PLEKHG6: variants seen among roughly 807,000 people sequenced by gnomAD.
PLEKHG6 encodes pleckstrin homology and RhoGEF domain containing G6, also known as pleckstrin homology domain-containing family G member 6.
Under a neutral mutation model 97.5 loss-of-function variants are expected in PLEKHG6, and 91 were observed. That is an observed-to-expected ratio of 0.93 (90% CI 0.79 to 1.11). PLEKHG6 has a LOEUF of 1.11. Among genes scored for constraint, PLEKHG6 ranks in the 50% most tolerant of loss-of-function variants. The pLI is 0.00. For missense variants in PLEKHG6, 1,044 were observed against 1,031.0 expected, an observed-to-expected ratio of 1.01 and a Z score of -0.17; for synonymous variants, 466 against 425.5, an observed-to-expected ratio of 1.10 and a Z score of -1.17.
chr12:6,323,919 C>T (rs773984648), intron 13 of PLEKHG6, among the ~76,000 whole-genome samples: 44 of 151,962 alleles, frequency 2.9e-4, no homozygotes, highest in African/African-American at 7.7e-4. Flanking sequence ...TCAGTGGGCA[C>T]GTTTCAGAGT....
At chr12:6,320,021 A>C (rs527506798) in intron 13 of PLEKHG6, among the ~76,000 whole-genome samples, 1 of 152,204 alleles carries the variant, frequency 6.6e-6, no homozygotes. Context: ...GGCATTCCAC[A>C]TGGAGGAGCA....
intron 13 of PLEKHG6, among the ~76,000 whole-genome samples, chr12:6,321,410 G>A (rs1199028509): frequency 1.3e-5 from 2 of 152,200 alleles, no homozygotes; most frequent in Non-Finnish European, 2.9e-5. Flanking sequence ...TGCTGGGTGG[G>A]CTGGAGGAGG....
chr12:6,312,899 TGCA>T, intron 2 of PLEKHG6: 3 of 1,371,072 alleles, frequency 2.2e-6, no homozygotes, highest in South Asian at 3.2e-5. Context: ...TCCCTCAGCC[TGCA>T]GGTTTCCCCT....
chr12:6,315,902 G>A lies in PLEKHG6; in HGVS notation c.589G>A (p.Val197Met). The change falls in exon 6 of 16, where the codon GTG becomes ATG. Residue 197 changes from valine (V) to methionine (M), a missense_variant. Val to Met is a conservative substitution (Grantham distance 21, BLOSUM62 1). Transcript: ENST00000684764. The surrounding 1 kb of genome is among the most constrained non-coding windows in gnomAD (Gnocchi z 4.5). ...LAAGLLNLQR[V>M]GLLMEVSAET... ...CGCCGGCCTGCTGAACCTGCAGCGA[G>A]TGGGACTGCTGATGGAAGTGAGTGG... 1 of 1,580,456 alleles carries A rather than the reference G, an allele frequency of 6.3e-7. No homozygotes were observed. Among genetic ancestry groups the A allele is most frequent in the South Asian group, 1.2e-5 (1 of 86,104 alleles).
intron 2 of PLEKHG6, among the ~76,000 whole-genome samples, chr12:6,313,389 G>A (rs1177908208): frequency 1.3e-5 from 2 of 152,180 alleles, no homozygotes; most frequent in African/African-American, 4.8e-5. Flanking sequence ...TCTTCCCCAG[G>A]CCCACTCAGG....
At position 6,327,525 on chromosome 12, in the gene PLEKHG6, G is replaced by T; in HGVS notation, c.1942G>T (p.Glu648Ter). 1 of 1,209,490 alleles carries T rather than the reference G, an allele frequency of 8.3e-7. No homozygotes were observed. The highest frequency in any genetic ancestry group is 1.1e-6 in the Non-Finnish European group (1 of 911,962). 74.9% of individuals were successfully genotyped at this position (1,209,490 alleles called of 1,614,324 possible). A position where few individuals can be genotyped will look rare whatever the true frequency, so the allele number is the denominator to read the frequency against. The part of the protein sequence containing the change: ...PQAPQRRSAP[E>*]LPEGILKGGS... ...AGCTCCTCAACGCCGAAGCGCCCCC[G>T]AACTGCCGGAAGGAATCCTAAAAGG... The change falls in exon 15 of 16, where the codon GAA becomes TAA. Residue 648 changes from glutamate (E) to a stop codon, truncating the protein, a stop_gained. Coordinates refer to ENST00000684764, the MANE Select transcript of PLEKHG6 (RefSeq NM_001384598.1). LOFTEE classifies it high-confidence loss of function.
In PLEKHG6 at chr12:6,317,983, G is replaced by A; in HGVS notation, c.1144G>A (p.Glu382Lys). Residue 382 changes from glutamate to lysine, a missense_variant, in exon 10 of 16, where the codon GAG (glutamate) becomes AAG (lysine). Transcript: ENST00000684764. ...CGAGGTGCTGGAGCCACCCAGTGAT[G>A]AGGTGGAGAAGGTGAGAGGGCAAAG... ...PYEVLEPPSD[E>K]VEKNLRPFST... 1 of 1,590,408 alleles carries A rather than the reference G, an allele frequency of 6.3e-7. No homozygotes were observed. The highest frequency in any genetic ancestry group is 8.6e-7 in the Non-Finnish European group (1 of 1,168,234).
At chr12:6,319,250 C>A (rs982092103) in intron 13 of PLEKHG6, 142 bp downstream of exon 13, 42 of 631,652 alleles carry the variant, frequency 6.6e-5, no homozygotes, top group Middle Eastern at 4.3e-4. Context: ...GAGTTTGAGA[C>A]CAGCCTGGCC....
In PLEKHG6 at chr12:6,315,481, G is replaced by T. The variant is rs17725107; in HGVS notation, c.460-73G>T. On this transcript the variant is annotated intron_variant, in intron 4 of 15. Coordinates refer to ENST00000684764, the MANE Select transcript of PLEKHG6 (RefSeq NM_001384598.1). The surrounding 1 kb of genome is among the most constrained non-coding windows in gnomAD (Gnocchi z 4.5). ...GCCTAGAACCTATGAAGTGGATCCG[G>T]TCGCACTTAACAGCTGGTACTTGCC... is the stretch of plus-strand genomic sequence containing the variant. The T allele has an allele frequency of 0.011, 10,583 of 987,654 alleles. 94 individuals carry two copies. The highest frequency in any genetic ancestry group is 0.014 in the Non-Finnish European group (8,934 of 652,934). The allele number at this position is 987,654 out of a possible 1,614,324, so 61.2% of individuals were successfully genotyped here.
intron 11 of PLEKHG6, 124 bp from the exon 12 acceptor site, chr12:6,318,621 T>G (rs1450640602): frequency 8.9e-6 from 11 of 1,231,138 alleles, no homozygotes; most frequent in Non-Finnish European, 5.8e-6. Flanking sequence ...CCCTGGCCAC[T>G]CCCGCATTTG....
Position 6,315,018 on chromosome 12 carries a change from C to T in PLEKHG6, c.308C>T (p.Ala103Val). ...HSPKLKELTKAHELEVRLHTF... is the reference protein window; with the variant it reads ...HSPKLKELTKVHELEVRLHTF... ...CGGCTCCCCCAGGAACTCACCAAGGCCCATGAGCTGGAGGTGAGGCTGCAC... is the reference window on the plus strand; with the variant it reads ...CGGCTCCCCCAGGAACTCACCAAGGTCCATGAGCTGGAGGTGAGGCTGCAC... Residue 103 changes from alanine (A) to valine (V), a missense_variant, in exon 4 of 16, where the codon GCC becomes GTC. Ala to Val is a moderately conservative substitution (Grantham distance 64). Transcript: ENST00000684764. The surrounding 1 kb of genome is among the most constrained non-coding windows in gnomAD (Gnocchi z 4.5). The T allele has an allele frequency of 3.1e-6, 5 of 1,613,618 alleles. No individual in the cohort carries two copies. The highest frequency in any genetic ancestry group is 4.2e-6 in the Non-Finnish European group (5 of 1,179,886).
At position 6,318,885 on chromosome 12, in the gene PLEKHG6, C is replaced by T. The variant is rs369126780; in HGVS notation, c.1408+8C>T. 2.5e-6 allele frequency: 4 copies of T among 1,614,212 alleles called. No individual in the cohort carries two copies. In the South Asian group the frequency reaches 3.3e-5, roughly 13 times the overall value. Reference sequence around the variant, plus strand: ...AACCCCTGCGAGACCCCAGTACGTCCTTCCTTCAGGGAGTCTTTTCTTCTC... The same window carrying T: ...AACCCCTGCGAGACCCCAGTACGTCTTTCCTTCAGGGAGTCTTTTCTTCTC... On this transcript the variant is annotated splice_region_variant and intron_variant, in intron 12 of 15. Transcript: ENST00000684764.
chr12:6,312,433 T>C, intron 2 of PLEKHG6, 69 bp downstream of exon 2: 1 of 1,465,766 alleles, frequency 6.8e-7, no homozygotes, highest in Non-Finnish European at 9.2e-7. Context: ...CTGTGGAGTC[T>C]CTGTCCCCTT....
chr12:6,324,772 C>T (rs1947813335), intron 13 of PLEKHG6, among the ~76,000 whole-genome samples: 2 of 152,308 alleles, frequency 1.3e-5, no homozygotes, highest in South Asian at 4.1e-4. Flanking sequence ...CGTCTCTTGT[C>T]CTGACCCAGC....
intron 1 of PLEKHG6, among the ~76,000 whole-genome samples, chr12:6,311,634 G>A (rs1321030665): frequency 1.3e-5 from 2 of 152,068 alleles, no homozygotes; most frequent in African/African-American, 4.8e-5. Flanking sequence ...TTTTTTGCAG[G>A]GGGGGCAGCA....
Position 6,310,813 on chromosome 12 carries a change from G to A in PLEKHG6, c.-104G>A. 1 of 153,218 alleles carries A rather than the reference G, an allele frequency of 6.5e-6. No individual in the cohort carries two copies. Among genetic ancestry groups the A allele is most frequent in the Non-Finnish European group, 1.5e-5 (1 of 68,602 alleles). The allele number at this position is 153,218 out of a possible 1,614,324, so 9.5% of individuals were successfully genotyped here. On this transcript the variant is annotated 5_prime_UTR_variant, in exon 1 of 16. Transcript: ENST00000684764. ...GAGCCCCGCGGGCGGGGAGGGCGGC[G>A]CAGGGCAGCGGGTGCGGTGACACCT...
chr12:6,319,121 C>T lies in PLEKHG6; in HGVS notation c.1524+13C>T. On this transcript the variant is annotated intron_variant, in intron 13 of 15. Transcript: ENST00000684764. ...CCAGCAGGCCCAGGTATGGGAAAGCCAGCAACGGGGAGGCATGGGCAGGGG... is the reference window on the plus strand; with the variant it reads ...CCAGCAGGCCCAGGTATGGGAAAGCTAGCAACGGGGAGGCATGGGCAGGGG... 1.3e-6 allele frequency: 2 copies of T among 1,572,418 alleles called. No individual in the cohort carries two copies. The highest frequency in any genetic ancestry group is 1.1e-5 in the South Asian group (1 of 88,958).
At chr12:6,317,461 C>A (rs750995534) in intron 8 of PLEKHG6, 48 bp downstream of exon 8, 5 of 1,600,650 alleles carry the variant, frequency 3.1e-6, no homozygotes, top group Non-Finnish European at 4.2e-6. Context: ...CTTAGCCGGC[C>A]GGTCTCCAGC....
intron 15 of PLEKHG6, 85 bp from the exon 16 acceptor site, chr12:6,328,051 C>A: frequency 6.3e-7 from 1 of 1,588,416 alleles, no homozygotes; most frequent in Non-Finnish European, 8.6e-7. Flanking sequence ...GGGGCTGAGG[C>A]AGGAAGGGCT....
Sources: allele counts gnomAD v4.1 joint callset (sites outside exome capture counted in the v4.1 genomes callset), GRCh38; gene constraint gnomAD v4.1.1; non-coding constraint Gnocchi (gnomAD v3.1); transcripts MANE v1.5; gene names NCBI Gene and HGNC (gene_info 2026-07-23, HGNC 2026-07-21).